Variants in ROBO1 observed in about 807,000 individuals in gnomAD.
ROBO1 encodes the protein roundabout homolog 1.
In ROBO1, 149 loss-of-function variants were observed where a neutral mutation model predicts 195.9. That is an observed-to-expected ratio of 0.76 (90% CI 0.67 to 0.87). The LOEUF (loss-of-function observed/expected upper bound fraction) is 0.87. ROBO1 is among the 40% of genes least tolerant of loss of function. ROBO1 has a pLI of 0.00. For synonymous variants in ROBO1, 816 were observed against 733.2 expected, an observed-to-expected ratio of 1.11 and a Z score of -1.82; for missense variants, 1,933 against 2,068.3, an observed-to-expected ratio of 0.93 and a Z score of 1.27.
intron 2 of ROBO1, among the ~76,000 whole-genome samples, chr3:79,169,787 A>G (rs1263483513): frequency 1.3e-5 from 2 of 152,126 alleles, no homozygotes; most frequent in African/African-American, 4.8e-5. Flanking sequence ...TGTTATCTCA[A>G]TTCAAAATTT....
chr3:78,986,368 GA>G (rs1327455353), intron 3 of ROBO1, among the ~76,000 whole-genome samples: 1 of 151,130 alleles, frequency 6.6e-6, no homozygotes, highest in Non-Finnish European at 1.5e-5. Flanking sequence ...ATTCAGTGAG[GA>G]AAAAAAGAAT....
intron 1 of ROBO1, among the ~76,000 whole-genome samples, chr3:79,635,235 A>T (rs1945462922): frequency 1.3e-5 from 2 of 152,190 alleles, no homozygotes; most frequent in East Asian, 3.9e-4. Flanking sequence ...CTCTAAAGCT[A>T]TATGCATGAT....
chr3:79,052,386 A>G (rs1276694167), intron 3 of ROBO1, among the ~76,000 whole-genome samples: 2 of 152,116 alleles, frequency 1.3e-5, no homozygotes, highest in African/African-American at 2.4e-5. Context: ...ATGTTTATCA[A>G]TGACAATGTG....
Position 78,638,218 on chromosome 3 carries a change from CTT to C in ROBO1, c.3037+1524_3037+1525del, listed in dbSNP as rs201845105. Among the ~76,000 whole-genome samples the C allele has an allele frequency of 4.7e-3, 637 of 135,054 alleles. 2 individuals carry two copies. The highest frequency in any genetic ancestry group is 0.013 in the African/African-American group (451 of 35,298). 88.6% of individuals were successfully genotyped at this position (135,054 alleles called of 152,430 possible). The stretch of plus-strand genomic sequence containing the variant: ...GTGTGTATGTGTGTATATATATACA[CTT>C]ATATACATATATGTATGTGTGTATA... On this transcript the variant is annotated intron_variant, in intron 22 of 30. Coordinates refer to ENST00000464233, the MANE Select transcript of ROBO1 (RefSeq NM_002941.4).
chr3:79,392,635 G>A (rs2036996376), intron 2 of ROBO1, among the ~76,000 whole-genome samples: 1 of 152,118 alleles, frequency 6.6e-6, no homozygotes, highest in Non-Finnish European at 1.5e-5. Flanking sequence ...GCATGACTAA[G>A]TAAAAGGTCT....
At chr3:79,569,978 G>A (rs944923089) in intron 2 of ROBO1, among the ~76,000 whole-genome samples, 61 of 149,880 alleles carry the variant, frequency 4.1e-4, no homozygotes, top group African/African-American at 1.4e-3. Context: ...ATGTTCACCT[G>A]TAGTCCCAGC....
At chr3:78,869,105 A>G (rs2035374282) in intron 4 of ROBO1, among the ~76,000 whole-genome samples, 1 of 152,158 alleles carries the variant, frequency 6.6e-6, no homozygotes, top group African/African-American at 2.4e-5. Context: ...TTTTTTAAGA[A>G]ACTTTTTTAT....
At chr3:78,616,211 T>C (rs1704100822) in intron 27 of ROBO1, among the ~76,000 whole-genome samples, 1 of 152,200 alleles carries the variant, frequency 6.6e-6, no homozygotes, top group Admixed American at 6.5e-5. Flanking sequence ...TTCTAACGTA[T>C]TCTCAAAGCA....
intron 1 of ROBO1, among the ~76,000 whole-genome samples, chr3:79,612,251 T>G (rs1311180002): frequency 1.3e-5 from 2 of 149,580 alleles, no homozygotes; most frequent in Admixed American, 1.3e-4. Context: ...CATTGTTCAG[T>G]TCCCACCTAT....
intron 1 of ROBO1, among the ~76,000 whole-genome samples, chr3:79,754,922 G>T (rs1037033280): frequency 1.3e-5 from 2 of 151,752 alleles, no homozygotes; most frequent in African/African-American, 4.8e-5. Flanking sequence ...CTCTTGTTGC[G>T]CAGGCTGGAG....
intron 2 of ROBO1, among the ~76,000 whole-genome samples, chr3:79,226,367 G>A (rs1363351902): frequency 1.3e-5 from 2 of 152,084 alleles, no homozygotes; most frequent in African/African-American, 4.8e-5. Flanking sequence ...CTGTTCATTT[G>A]ACAGAGAAAT....
At chr3:79,150,544 A>C (rs2080746929) in intron 2 of ROBO1, among the ~76,000 whole-genome samples, 1 of 151,830 alleles carries the variant, frequency 6.6e-6, no homozygotes, top group Non-Finnish European at 1.5e-5. Context: ...TAAGGATTGT[A>C]AGTTATAAAA....
rs541104030 is a variant in ROBO1 at position 79,607,323 on chromosome 3, C to T, written c.-50-17362G>A. ...AATATAAATATTATTTTTATAGTGACCTGAAAATTAAACATTTCTAAAATC... is the reference window on the plus strand; with the variant it reads ...AATATAAATATTATTTTTATAGTGATCTGAAAATTAAACATTTCTAAAATC... On this transcript the variant is annotated intron_variant, in intron 1 of 30. Transcript: ENST00000464233. Among the ~76,000 whole-genome samples, 139 of 151,016 alleles carry T rather than the reference C, an allele frequency of 9.2e-4. 1 individual carries two copies. Among genetic ancestry groups the T allele is most frequent in the African/African-American group, 3.2e-3 (132 of 41,336 alleles).
chr3:79,522,833 C>T (rs7611237), intron 2 of ROBO1, among the ~76,000 whole-genome samples: 110,767 of 151,980 alleles, frequency 0.73, 41,472 homozygotes, highest in African/African-American at 0.92. Flanking sequence ...TTGTAGAGCA[C>T]GAACTATGTG....
At chr3:79,382,385 TA>T (rs1361846161) in intron 2 of ROBO1, among the ~76,000 whole-genome samples, 1 of 152,144 alleles carries the variant, frequency 6.6e-6, no homozygotes, top group African/African-American at 2.4e-5. Flanking sequence ...CTGGCTAACA[TA>T]TAGAATTTGT....
At chr3:78,733,977 T>C (rs2082337966) in intron 5 of ROBO1, among the ~76,000 whole-genome samples, 2 of 152,232 alleles carry the variant, frequency 1.3e-5, no homozygotes, top group African/African-American at 4.8e-5. Flanking sequence ...TGACCATGTG[T>C]GTTCATTTTG....
intron 2 of ROBO1, among the ~76,000 whole-genome samples, chr3:79,332,178 T>A (rs1351411654): frequency 1.3e-5 from 2 of 149,652 alleles, no homozygotes; most frequent in Non-Finnish European, 3.0e-5. Context: ...AATGTGACTT[T>A]AAGGAGAACA....
intron 3 of ROBO1, among the ~76,000 whole-genome samples, chr3:78,979,522 A>T (rs1254735671): frequency 6.6e-6 from 1 of 152,216 alleles, no homozygotes; most frequent in Non-Finnish European, 1.5e-5. Context: ...ACAAAGTATC[A>T]CTAAGTAAGA....
chr3:79,031,359 A>G lies in ROBO1; in HGVS notation c.173-92432T>C, dbSNP rs77152145. ...CCAGGAAAAAAACCACATGAATAAC[A>G]TGTATTATTCCTCTTCCAGTGATCT... On this transcript the variant is annotated intron_variant, in intron 3 of 30. Coordinates refer to ENST00000464233, the MANE Select transcript of ROBO1 (RefSeq NM_002941.4). Among the ~76,000 whole-genome samples the G allele has an allele frequency of 1.7e-3, 255 of 152,342 alleles. 1 individual carries two copies. Among genetic ancestry groups the G allele is most frequent in the African/African-American group, 5.8e-3 (242 of 41,586 alleles).
Sources: gnomAD v4.1 joint callset for allele counts (sites outside exome capture counted in the v4.1 genomes callset) on GRCh38, gnomAD v4.1.1 for gene constraint, MANE v1.5 for transcripts, NCBI Gene and HGNC (gene_info 2026-07-23, HGNC 2026-07-21) for gene names.